Variants in PRKACA observed in about 807,000 individuals in gnomAD.
PRKACA encodes cAMP-dependent protein kinase catalytic subunit alpha.
A neutral mutation model predicts 45.8 loss-of-function variants in PRKACA; 9 were observed. That is an observed-to-expected ratio of 0.20 (90% CI 0.12 to 0.34). PRKACA has a LOEUF of 0.34. Among genes scored for constraint, PRKACA ranks in the 10% least tolerant of loss-of-function variants. The probability of loss-of-function intolerance (pLI) is 1.00; values close to 1 mark genes in which losing one functional copy is unlikely to be tolerated. For synonymous variants in PRKACA, 160 were observed against 178.6 expected, an observed-to-expected ratio of 0.90 and a Z score of 0.83; for missense variants, 238 against 458.6, an observed-to-expected ratio of 0.52 and a Z score of 4.39.
chr19:14,114,085 G>A lies in PRKACA; in HGVS notation c.46+3417C>T, dbSNP rs1413016149. 1.9e-6 allele frequency: 3 copies of A among 1,586,606 alleles called. No homozygotes were observed. The African/African-American group carries it at 4.0e-5, about 21-fold the overall frequency. On this transcript the variant is annotated intron_variant, in intron 1 of 9. Coordinates refer to ENST00000308677, the MANE Select transcript of PRKACA (RefSeq NM_002730.4). The stretch of plus-strand genomic sequence containing the variant: ...CGCTGCAGCCCCTCCCTGACTTAAG[G>A]GGCAGAGTGTGCCTAGGAAGTTGCT...
In PRKACA at chr19:14,106,707, A is replaced by G. The variant is rs753022364; in HGVS notation, c.237+53T>C. 3.6e-5 allele frequency: 58 copies of G among 1,611,076 alleles called. No homozygotes were observed. The East Asian group carries it at 7.6e-4, about 21-fold the overall frequency. The stretch of plus-strand genomic sequence containing the variant: ...ATAGGGCACTCTAAGGAGTGGGCAC[A>G]GTCCAGGCAAAGGCCTGACAGGCAG... On this transcript the variant is annotated intron_variant, in intron 3 of 9. Coordinates refer to ENST00000308677, the MANE Select transcript of PRKACA (RefSeq NM_002730.4).
chr19:14,102,030 G>C (rs997859559), intron 4 of PRKACA, among the ~76,000 whole-genome samples: 4 of 151,566 alleles, frequency 2.6e-5, no homozygotes, highest in Non-Finnish European at 2.9e-5. Context: ...TGGGCATGGT[G>C]GTGGGCACCT....
rs1555774928 is a variant in PRKACA, at chr19:14,109,999, T to TATAG, written c.47-2591_47-2590insCTAT. On this transcript the variant is annotated intron_variant, in intron 1 of 9. Coordinates refer to ENST00000308677, the MANE Select transcript of PRKACA (RefSeq NM_002730.4). ...ATATATATATATATATATATATATA[T>TATAG]ACACACACACACACACACACATAGG... Among the ~76,000 whole-genome samples, 3 of 55,476 alleles carry TATAG rather than the reference T, an allele frequency of 5.4e-5. No individual in the cohort carries two copies. In the East Asian group the frequency reaches 1.6e-3, roughly 30 times the overall value. 36.4% of individuals were successfully genotyped at this position (55,476 alleles called of 152,430 possible).
At chr19:14,107,475 T>G (rs1599346073) in intron 1 of PRKACA, 66 bp from the exon 2 acceptor site, 3 of 1,541,544 alleles carry the variant, frequency 1.9e-6, no homozygotes, top group East Asian at 4.5e-5. Context: ...TCAGGTGATT[T>G]CTGGGGAGAT....
chr19:14,102,919 G>T lies in PRKACA; in HGVS notation c.238-5C>A. Reference sequence around the variant, plus strand: ...GATCTGTTTCAGTTTCACCACCTGGGAAGGGAAGGAGGGGAGGGCAGAAAG... The same window carrying T: ...GATCTGTTTCAGTTTCACCACCTGGTAAGGGAAGGAGGGGAGGGCAGAAAG... On this transcript the variant is annotated splice_polypyrimidine_tract_variant and splice_region_variant and intron_variant, in intron 3 of 9. Coordinates refer to ENST00000308677, the MANE Select transcript of PRKACA (RefSeq NM_002730.4). The T allele has an allele frequency of 6.2e-7, 1 of 1,611,234 alleles. No homozygotes were observed. Among genetic ancestry groups the T allele is most frequent in the Non-Finnish European group, 8.5e-7 (1 of 1,177,354 alleles).
chr19:14,117,389 G>A, intron 1 of PRKACA, 113 bp downstream of exon 1: 1 of 1,117,432 alleles, frequency 8.9e-7, no homozygotes, highest in Non-Finnish European at 1.1e-6. Flanking sequence ...AGGGGCGCTG[G>A]GGGGTAGGCA....
chr19:14,109,965 A>AAAAAT (rs1568537449), intron 1 of PRKACA, among the ~76,000 whole-genome samples: 2 of 23,770 alleles, frequency 8.4e-5, no homozygotes, highest in Non-Finnish European at 1.7e-4. Flanking sequence ...AAAAAAAAAA[A>AAAAAT]ATATATATAT....
Position 14,094,185 on chromosome 19 carries a change from G to GAAA in PRKACA, c.766-396_766-394dup, listed in dbSNP as rs940405502. ...AGCAAGAATCTGCATTTCTTTTTTT[G>GAAA]AAAAAAAAAAAAAAAAAAAAAAAAA... On this transcript the variant is annotated intron_variant, in intron 8 of 9. Transcript: ENST00000308677. 1.2e-3 allele frequency among the ~76,000 whole-genome samples: 68 copies of GAAA among 58,924 alleles called. 1 individual carries two copies. The highest frequency in any genetic ancestry group is 1.7e-3 in the South Asian group (2 of 1,192). 38.7% of individuals were successfully genotyped at this position (58,924 alleles called of 152,430 possible). A position where few individuals can be genotyped will look rare whatever the true frequency, so the allele number is the denominator to read the frequency against.
At chr19:14,103,032 T>A in intron 3 of PRKACA, 118 bp from the exon 4 acceptor site, 3 of 805,586 alleles carry the variant, frequency 3.7e-6, no homozygotes, top group Non-Finnish European at 6.4e-6. Flanking sequence ...CAGAATCATT[T>A]GTGTGCCTGT....
intron 5 of PRKACA, among the ~76,000 whole-genome samples, chr19:14,099,240 C>T (rs1032511814): frequency 2.0e-5 from 3 of 152,052 alleles, no homozygotes; most frequent in South Asian, 2.1e-4. Context: ...TGCATGGAGC[C>T]GAGATCGTGC....
Position 14,093,041 on chromosome 19 carries a change from A to AGCCCCC in PRKACA, c.*70_*71insGGGGGC. 2.0e-6 allele frequency: 1 copy of AGCCCCC among 500,028 alleles called. No individual in the cohort carries two copies. Among genetic ancestry groups the AGCCCCC allele is most frequent in the Admixed American group, 3.5e-5 (1 of 28,528 alleles). 31.0% of individuals were successfully genotyped at this position (500,028 alleles called of 1,614,324 possible). A position where few individuals can be genotyped will look rare whatever the true frequency, so the allele number is the denominator to read the frequency against. ...CTGGGGCCCTCTGGCTGTTCAATCC[A>AGCCCCC]ACCCTCCCACCCCCCCGACCAAAAA... On this transcript the variant is annotated 3_prime_UTR_variant, in exon 10 of 10. Coordinates refer to ENST00000308677, the MANE Select transcript of PRKACA (RefSeq NM_002730.4).
chr19:14,106,210 A>C (rs115821345), intron 3 of PRKACA, among the ~76,000 whole-genome samples: 307 of 152,184 alleles, frequency 2.0e-3, no homozygotes, highest in African/African-American at 7.1e-3. Flanking sequence ...CAAACAACAA[A>C]AAAAAATTAG....
intron 3 of PRKACA, among the ~76,000 whole-genome samples, chr19:14,106,174 A>ACCC (rs1455638078): frequency 1.3e-5 from 2 of 151,534 alleles, no homozygotes; most frequent in Admixed American, 1.3e-4. Context: ...ACACAGCAAG[A>ACCC]CCCCCTGTCT....
rs1308696110 is a variant in PRKACA at position 14,092,502 on chromosome 19, G to A, written c.*610C>T. On this transcript the variant is annotated 3_prime_UTR_variant, in exon 10 of 10. Coordinates refer to ENST00000308677, the MANE Select transcript of PRKACA (RefSeq NM_002730.4). ...ATGGATTTGAGGAATGGGGGGACAT[G>A]GGAGGGGTGGGAGTAGAGGAAGGAG... The A allele has an allele frequency of 2.5e-6, 1 of 397,622 alleles. No homozygotes were observed. Among genetic ancestry groups the A allele is most frequent in the Non-Finnish European group, 4.4e-6 (1 of 225,584 alleles). 24.6% of individuals were successfully genotyped at this position (397,622 alleles called of 1,614,324 possible).
intron 1 of PRKACA, chr19:14,107,825 T>G: frequency 1.0e-6 from 1 of 997,544 alleles, no homozygotes; most frequent in African/African-American, 1.7e-5. Flanking sequence ...CCTCGGGGGC[T>G]CGGGTAGCAG....
chr19:14,097,580 T>G lies in PRKACA; in HGVS notation c.641A>C (p.Lys214Thr). Residue 214 changes from lysine to threonine, a missense_variant and splice_region_variant, in exon 7 of 10, where the codon AAA (lysine) becomes ACA (threonine). By Grantham distance (78) the Lys-to-Thr change is moderately conservative. Coordinates refer to ENST00000308677, the MANE Select transcript of PRKACA (RefSeq NM_002730.4). The surrounding 1 kb of genome is among the most constrained non-coding windows in gnomAD (Gnocchi z 5.4). ...GGGGAGGGCTGGGGAGGCTCCTACT[T>G]TGCTCAGGATAATCTCAGGGGCCAG... is the stretch of plus-strand genomic sequence containing the variant. ...EYLAPEIILS[K>T]GYNKAVDWWA... 6.2e-7 allele frequency: 1 copy of G among 1,613,404 alleles called. No homozygotes were observed. The highest frequency in any genetic ancestry group is 1.7e-4 in the Middle Eastern group (1 of 6,052).
intron 9 of PRKACA, 115 bp from the exon 10 acceptor site, chr19:14,093,352 T>C (rs1469802945): frequency 6.5e-6 from 9 of 1,383,252 alleles, no homozygotes; most frequent in African/African-American, 2.9e-5. Context: ...AGGCCTGTGC[T>C]TACCATTAGG....
At position 14,097,198 on chromosome 19, in the gene PRKACA, G is replaced by T; in HGVS notation, c.765+163C>A. 1.9e-6 allele frequency: 2 copies of T among 1,065,400 alleles called. No homozygotes were observed. The highest frequency in any genetic ancestry group is 2.8e-6 in the Non-Finnish European group (2 of 725,478). The allele number at this position is 1,065,400 out of a possible 1,614,324, so 66.0% of individuals were successfully genotyped here. On this transcript the variant is annotated intron_variant, in intron 8 of 9. Coordinates refer to ENST00000308677, the MANE Select transcript of PRKACA (RefSeq NM_002730.4). The surrounding 1 kb of genome is among the most constrained non-coding windows in gnomAD (Gnocchi z 5.4). ...GGGCTGGACAGCAAGGGGGCTTGAGGTGTTGGCCTCAGTGTGGCCGGCGCG... is the reference window on the plus strand; with the variant it reads ...GGGCTGGACAGCAAGGGGGCTTGAGTTGTTGGCCTCAGTGTGGCCGGCGCG...
chr19:14,094,168 T>G (rs555805912), intron 8 of PRKACA, among the ~76,000 whole-genome samples: 1 of 111,638 alleles, frequency 9.0e-6, no homozygotes, highest in Admixed American at 1.1e-4. Context: ...CCAGCAAGAA[T>G]CTGCATTTCT....
Sources: allele counts gnomAD v4.1 joint callset (sites outside exome capture counted in the v4.1 genomes callset), GRCh38; gene constraint gnomAD v4.1.1; non-coding constraint Gnocchi (gnomAD v3.1); transcripts MANE v1.5; gene names NCBI Gene and HGNC (gene_info 2026-07-23, HGNC 2026-07-21).